ASCC1: variants seen among roughly 807,000 people sequenced by gnomAD.
The protein encoded by ASCC1 is ASC-1 complex subunit P50.
ASCC1 carries 35 observed loss-of-function variants against 46.6 expected under a neutral mutation model. The observed-to-expected ratio is 0.75, with a 90% CI of 0.57 to 0.99. The LOEUF (loss-of-function observed/expected upper bound fraction) is 0.99, where lower values mean the gene tolerates loss of function less well. Among genes scored for constraint, ASCC1 ranks in the 50% least tolerant of loss-of-function variants. The pLI is 0.00. For missense variants in ASCC1, 376 were observed against 428.7 expected (o/e 0.88, Z 1.09); for synonymous variants, 143 against 146.6 (o/e 0.98, Z 0.18).
chr10:72,156,644 C>T (rs375715802), intron 6 of ASCC1, among the ~76,000 whole-genome samples: 3 of 151,826 alleles, frequency 2.0e-5, no homozygotes, highest in Non-Finnish European at 2.9e-5. Context: ...TGGTGGCGGG[C>T]GCCTGTAGTC....
chr10:72,102,350 TCCCAAG>T (rs1564570836), intron 9 of ASCC1: 1 of 1,550,054 alleles, frequency 6.5e-7, no homozygotes, highest in South Asian at 1.2e-5. Context: ...GCTCTCTGTG[TCCCAAG>T]CCCTTCTCGA....
At chr10:72,186,178 T>G (rs1853423913) in intron 5 of ASCC1, among the ~76,000 whole-genome samples, 1 of 151,730 alleles carries the variant, frequency 6.6e-6, no homozygotes, top group South Asian at 2.1e-4. Context: ...TGTTTTTTTT[T>G]TGTAGAGACA....
At chr10:72,189,950 C>T (rs4382820) in intron 5 of ASCC1, 45,950 of 742,504 alleles carry the variant, frequency 0.062, 6,948 homozygotes, top group African/African-American at 0.45. Context: ...GACAAGTGCA[C>T]ACAAGTATAT....
intron 4 of ASCC1, among the ~76,000 whole-genome samples, chr10:72,202,034 C>G (rs7086048): frequency 0.14 from 20,698 of 151,410 alleles, 4,006 homozygotes; most frequent in African/African-American, 0.43. Context: ...CAGATCACTT[C>G]AAACCAAAAA....
At chr10:72,187,108 C>A (rs1352710162) in intron 5 of ASCC1, among the ~76,000 whole-genome samples, 2 of 152,180 alleles carry the variant, frequency 1.3e-5, no homozygotes, top group African/African-American at 4.8e-5. Flanking sequence ...CAAAACAGTA[C>A]TGGGCTATAC....
At chr10:72,146,956 T>TA (rs1345636842) in intron 7 of ASCC1, among the ~76,000 whole-genome samples, 5 of 151,956 alleles carry the variant, frequency 3.3e-5, no homozygotes, top group East Asian at 3.9e-4. Context: ...GAATGGTCCT[T>TA]AAAAACAGGG....
At chr10:72,127,970 T>A in intron 9 of ASCC1, 112 bp downstream of exon 9, 1 of 872,342 alleles carries the variant, frequency 1.1e-6, no homozygotes. Context: ...AAAAAAAAAG[T>A]ATGAGAAAAA....
chr10:72,209,171 A>G (rs1278510106), intron 3 of ASCC1, among the ~76,000 whole-genome samples: 1 of 151,474 alleles, frequency 6.6e-6, no homozygotes, highest in African/African-American at 2.4e-5. Context: ...TCTTTAAAAA[A>G]AAAAAAAAGA....
At chr10:72,192,247 A>C (rs906368895) in intron 5 of ASCC1, among the ~76,000 whole-genome samples, 8 of 152,016 alleles carry the variant, frequency 5.3e-5, no homozygotes, top group Non-Finnish European at 7.4e-5. Flanking sequence ...CGAGGTCAGG[A>C]GTTCAAGACC....
At chr10:72,150,030 C>T (rs1029809771) in intron 7 of ASCC1, among the ~76,000 whole-genome samples, 1 of 151,858 alleles carries the variant, frequency 6.6e-6, no homozygotes, top group African/African-American at 2.4e-5. Context: ...ACTAAAAATA[C>T]AAAAATTAGC....
chr10:72,124,743 T>TTC (rs1844645665), intron 9 of ASCC1, among the ~76,000 whole-genome samples: 2 of 151,232 alleles, frequency 1.3e-5, no homozygotes, highest in African/African-American at 4.9e-5. Context: ...TTTTTTTTTT[T>TTC]TGCTATCTCT....
At chr10:72,196,771 T>A in intron 5 of ASCC1, 40 bp downstream of exon 5, 1 of 1,574,656 alleles carries the variant, frequency 6.4e-7, no homozygotes. Context: ...CTTTTTATAT[T>A]TAACTTTTTT....
chr10:72,192,382 G>A (rs756800151), intron 5 of ASCC1, among the ~76,000 whole-genome samples: 2 of 151,840 alleles, frequency 1.3e-5, no homozygotes, highest in Non-Finnish European at 2.9e-5. Context: ...TTGAAGCCAG[G>A]AGGCGAAGGT....
At chr10:72,161,914 G>C (rs561608534) in intron 5 of ASCC1, among the ~76,000 whole-genome samples, 1 of 152,182 alleles carries the variant, frequency 6.6e-6, no homozygotes, top group South Asian at 2.1e-4. Flanking sequence ...TAACAAAATA[G>C]ATCATGACCT....
At chr10:72,142,185 T>C (rs1216712246) in intron 7 of ASCC1, among the ~76,000 whole-genome samples, 1 of 152,190 alleles carries the variant, frequency 6.6e-6, no homozygotes, top group African/African-American at 2.4e-5. Flanking sequence ...ATCAAAAGTC[T>C]TTCAGCCATG....
At chr10:72,210,552 G>T (rs1364951824) in intron 3 of ASCC1, among the ~76,000 whole-genome samples, 180 bp downstream of exon 3, 1 of 152,218 alleles carries the variant, frequency 6.6e-6, no homozygotes, top group Non-Finnish European at 1.5e-5. Flanking sequence ...TCAGCTTAGT[G>T]ATACATGTGG....
intron 5 of ASCC1, among the ~76,000 whole-genome samples, chr10:72,172,879 A>G (rs1480053887): frequency 7.9e-6 from 1 of 126,408 alleles, no homozygotes; most frequent in Admixed American, 9.1e-5. Flanking sequence ...ATTATATATT[A>G]TATTTTTATA....
intron 5 of ASCC1, among the ~76,000 whole-genome samples, chr10:72,166,374 G>A (rs1035417397): frequency 2.0e-5 from 3 of 152,070 alleles, no homozygotes; most frequent in African/African-American, 2.4e-5. Flanking sequence ...AAGCCAAAGC[G>A]GAAGGATCGC....
At chr10:72,138,483 G>A (rs755684381) in intron 7 of ASCC1, among the ~76,000 whole-genome samples, 11 of 152,004 alleles carry the variant, frequency 7.2e-5, no homozygotes, top group Non-Finnish European at 5.9e-5. Flanking sequence ...AGTGTAACCT[G>A]CTCTTTTTAC....
Sources: gnomAD v4.1 joint callset for allele counts (sites outside exome capture counted in the v4.1 genomes callset) on GRCh38, gnomAD v4.1.1 for gene constraint, MANE v1.5 for transcripts, NCBI Gene and HGNC (gene_info 2026-07-23, HGNC 2026-07-21) for gene names.